Variants in SNX13 observed in about 807,000 individuals in gnomAD.
The protein encoded by SNX13 is sorting nexin-13.
In SNX13, 45 loss-of-function variants were observed where a neutral mutation model predicts 133.6. That is an observed-to-expected ratio of 0.34 (90% confidence interval 0.27 to 0.43). The LOEUF (loss-of-function observed/expected upper bound fraction) is 0.43, where lower values mean the gene tolerates loss of function less well. Among genes scored for constraint, SNX13 ranks in the 20% least tolerant of loss-of-function variants. The probability of loss-of-function intolerance (pLI) is 1.00; values close to 1 mark genes in which losing one functional copy is unlikely to be tolerated. For missense variants in SNX13, 1,032 were observed against 1,145.1 expected, an observed-to-expected ratio of 0.90 and a Z score of 1.43; for synonymous variants, 414 against 373.9, an observed-to-expected ratio of 1.11 and a Z score of -1.24.
chr7:17,857,185 T>C (rs530583015), intron 9 of SNX13, among the ~76,000 whole-genome samples: 17 of 151,934 alleles, frequency 1.1e-4, no homozygotes, highest in African/African-American at 3.6e-4. Flanking sequence ...CAATAAACCA[T>C]AAAGAAATAG....
intron 1 of SNX13, among the ~76,000 whole-genome samples, chr7:17,931,660 C>G (rs1373389974): frequency 6.6e-6 from 1 of 152,178 alleles, no homozygotes; most frequent in African/African-American, 2.4e-5. Context: ...AAGAGCAAAG[C>G]TGGATTCACC....
intron 3 of SNX13, 133 bp downstream of exon 3, chr7:17,893,199 C>T (rs954249493): frequency 3.6e-6 from 2 of 563,166 alleles, no homozygotes; most frequent in African/African-American, 4.0e-5. Context: ...TATAATTAGA[C>T]AATCTCACAT....
At chr7:17,845,133 A>G (rs1029941931) in intron 12 of SNX13, among the ~76,000 whole-genome samples, 2 of 143,202 alleles carry the variant, frequency 1.4e-5, no homozygotes, top group Non-Finnish European at 3.1e-5. Context: ...TAAGGGGAGA[A>G]GCAAGTGTGT....
At chr7:17,798,459 T>C (rs985543476) in intron 24 of SNX13, among the ~76,000 whole-genome samples, 2 of 151,918 alleles carry the variant, frequency 1.3e-5, no homozygotes, top group Non-Finnish European at 2.9e-5. Flanking sequence ...ATGTAGCCTA[T>C]CATTTGAAAG....
chr7:17,821,075 A>G (rs2128302306), intron 18 of SNX13, among the ~76,000 whole-genome samples: 1 of 152,268 alleles, frequency 6.6e-6, no homozygotes, highest in Admixed American at 6.5e-5. Flanking sequence ...TGGATCAAGG[A>G]TTCATTTCAC....
intron 9 of SNX13, among the ~76,000 whole-genome samples, chr7:17,861,687 T>C (rs1424655822): frequency 6.6e-6 from 1 of 152,142 alleles, no homozygotes; most frequent in Non-Finnish European, 1.5e-5. Flanking sequence ...ACACTGTGTG[T>C]GCTCACTTCC....
At chr7:17,844,361 T>A (rs575713088) in intron 12 of SNX13, among the ~76,000 whole-genome samples, 6 of 151,154 alleles carry the variant, frequency 4.0e-5, no homozygotes, top group Non-Finnish European at 1.5e-5. Flanking sequence ...CATGAAGGAA[T>A]TGAAAATCTG....
At chr7:17,866,503 T>C (rs76464207) in intron 9 of SNX13, among the ~76,000 whole-genome samples, 270 of 152,072 alleles carry the variant, frequency 1.8e-3, no homozygotes, top group African/African-American at 6.2e-3. Flanking sequence ...CTTGCAAGTA[T>C]GTAAAGAAAT....
chr7:17,891,346 A>C (rs1796605392), intron 4 of SNX13, among the ~76,000 whole-genome samples, 200 bp downstream of exon 4: 1 of 152,068 alleles, frequency 6.6e-6, no homozygotes, highest in East Asian at 1.9e-4. Flanking sequence ...AATTCAATCG[A>C]AAGGCTTTTA....
At chr7:17,849,937 T>C (rs996057763) in intron 11 of SNX13, among the ~76,000 whole-genome samples, 1 of 152,198 alleles carries the variant, frequency 6.6e-6, no homozygotes, top group Non-Finnish European at 1.5e-5. Flanking sequence ...CACCACCTGA[T>C]ATTACGCGTC....
At chr7:17,939,228 T>C (rs934482538) in intron 1 of SNX13, among the ~76,000 whole-genome samples, 4 of 152,226 alleles carry the variant, frequency 2.6e-5, no homozygotes, top group African/African-American at 4.8e-5. Context: ...ATTTCCTTTT[T>C]GGCCCATGTA....
intron 1 of SNX13, chr7:17,898,343 AT>A (rs1443248882): frequency 6.6e-6 from 1 of 152,214 alleles, no homozygotes; most frequent in Non-Finnish European, 1.5e-5. Context: ...AAAGAAAATA[AT>A]AGAAAGCATT....
At chr7:17,813,997 T>C (rs1274326056) in intron 20 of SNX13, among the ~76,000 whole-genome samples, 1 of 152,168 alleles carries the variant, frequency 6.6e-6, no homozygotes, top group African/African-American at 2.4e-5. Flanking sequence ...CTTGTTCTTT[T>C]TACATTTTCA....
At chr7:17,853,854 T>C (rs542916519) in intron 9 of SNX13, among the ~76,000 whole-genome samples, 7 of 152,182 alleles carry the variant, frequency 4.6e-5, no homozygotes, top group South Asian at 2.1e-4. Flanking sequence ...AGGCAGAGAA[T>C]TGCTTGAACC....
Position 17,794,030 on chromosome 7 carries a change from T to A in SNX13, c.*15A>T. 3.7e-6 allele frequency: 6 copies of A among 1,609,222 alleles called. No individual in the cohort carries two copies. The highest frequency in any genetic ancestry group is 5.1e-6 in the Non-Finnish European group (6 of 1,177,110). Reference sequence around the variant, plus strand: ...GTCCTGGACAAAATGAACACCAGCTTCATAGAGTGGAGTGTCACCTTTTCT... The same window carrying A: ...GTCCTGGACAAAATGAACACCAGCTACATAGAGTGGAGTGTCACCTTTTCT... On this transcript the variant is annotated 3_prime_UTR_variant, in exon 26 of 26. Coordinates refer to ENST00000428135, the MANE Select transcript of SNX13 (RefSeq NM_015132.5).
chr7:17,858,514 T>C (rs1344319737), intron 9 of SNX13, among the ~76,000 whole-genome samples: 1 of 152,056 alleles, frequency 6.6e-6, no homozygotes, highest in African/African-American at 2.4e-5. Flanking sequence ...AATGGAGAGA[T>C]GCCATGTTCC....
chr7:17,829,189 G>T (rs547129979), intron 16 of SNX13, among the ~76,000 whole-genome samples: 5 of 151,624 alleles, frequency 3.3e-5, no homozygotes, highest in African/African-American at 1.2e-4. Flanking sequence ...AAAACATTTA[G>T]CTATTACGAA....
chr7:17,866,674 A>G (rs1738368955), intron 9 of SNX13, among the ~76,000 whole-genome samples: 1 of 152,224 alleles, frequency 6.6e-6, no homozygotes, highest in Admixed American at 6.5e-5. Flanking sequence ...GACTGAACTC[A>G]TGGAGATACA....
At chr7:17,839,636 T>C (rs1197521271) in intron 13 of SNX13, among the ~76,000 whole-genome samples, 171 bp downstream of exon 13, 1 of 152,024 alleles carries the variant, frequency 6.6e-6, no homozygotes. Flanking sequence ...ATAATTTGAC[T>C]GGCTAAACAT....
Sources: allele counts gnomAD v4.1 joint callset (sites outside exome capture counted in the v4.1 genomes callset), GRCh38; gene constraint gnomAD v4.1.1; transcripts MANE v1.5; gene names NCBI Gene and HGNC (gene_info 2026-07-23, HGNC 2026-07-21).